Variants in SRRM3 observed in about 807,000 individuals in gnomAD.
The protein encoded by SRRM3 is serine/arginine repetitive matrix protein 3.
A neutral mutation model predicts 66.2 loss-of-function variants in SRRM3; 27 were observed. The observed-to-expected ratio is 0.41, with a 90% CI of 0.30 to 0.56. SRRM3 has a LOEUF of 0.56. Among genes scored for constraint, SRRM3 ranks in the 20% least tolerant of loss-of-function variants. SRRM3 has a pLI of 0.32. For synonymous variants in SRRM3, 391 were observed against 414.9 expected, an observed-to-expected ratio of 0.94 and a Z score of 0.70; for missense variants, 918 against 991.9, an observed-to-expected ratio of 0.93 and a Z score of 1.00.
chr7:76,216,580 C>T (rs1375704464), intron 1 of SRRM3, among the ~76,000 whole-genome samples: 1 of 152,176 alleles, frequency 6.6e-6, no homozygotes, highest in African/African-American at 2.4e-5. Context: ...AATGGATTTC[C>T]AGTACACTGG....
intron 1 of SRRM3, among the ~76,000 whole-genome samples, chr7:76,226,484 C>T (rs927216146): frequency 6.6e-6 from 1 of 152,264 alleles, no homozygotes; most frequent in Admixed American, 6.5e-5. Flanking sequence ...TGGGGACAGC[C>T]TCAGTTGAAC....
intron 2 of SRRM3, among the ~76,000 whole-genome samples, chr7:76,241,383 G>GGTGCC (rs1563621202): frequency 2.6e-5 from 4 of 152,234 alleles, no homozygotes. Context: ...TCTCGGAGCT[G>GGTGCC]GTGCCATGCC....
rs192926075 is a variant in SRRM3 at position 76,222,187 on chromosome 7, A to G, written c.-39-12841A>G. ...TCCCAGAGCTTTGGGAGGCCAAGGC[A>G]GGAGGGTTGCTTGAGTCCAGGAGTT... On this transcript the variant is annotated intron_variant, in intron 1 of 14. Coordinates refer to ENST00000611745, the MANE Select transcript of SRRM3 (RefSeq NM_001110199.3). 2.5e-3 allele frequency among the ~76,000 whole-genome samples: 375 copies of G among 152,252 alleles called. 1 individual carries two copies. Among genetic ancestry groups the G allele is most frequent in the Middle Eastern group, 0.017 (5 of 294 alleles).
At chr7:76,242,166 A>G (rs76988412) in intron 2 of SRRM3, among the ~76,000 whole-genome samples, 11,994 of 152,180 alleles carry the variant, frequency 0.079, 1,121 homozygotes, top group African/African-American at 0.22. Context: ...CGACCTTTTC[A>G]GCACCAGATA....
intron 1 of SRRM3, among the ~76,000 whole-genome samples, chr7:76,211,295 T>C (rs1800425249): frequency 1.3e-5 from 2 of 151,838 alleles, no homozygotes; most frequent in Admixed American, 1.3e-4. Flanking sequence ...CAGGGTGATT[T>C]TGGCAGGAGC....
chr7:76,204,422 C>T (rs1457381160), intron 1 of SRRM3, among the ~76,000 whole-genome samples: 1 of 152,162 alleles, frequency 6.6e-6, no homozygotes, highest in Non-Finnish European at 1.5e-5. Context: ...CCCAAAGGTG[C>T]TGCTGTCTCC....
intron 1 of SRRM3, among the ~76,000 whole-genome samples, chr7:76,204,610 GGCCAGTGAGT>G (rs557330148): frequency 1.5e-3 from 221 of 152,264 alleles, no homozygotes; most frequent in African/African-American, 5.1e-3. Flanking sequence ...AGGCACTGTA[GGCCAGTGAGT>G]GTTGGAGAGG....
chr7:76,249,914 G>A (rs1167558510), intron 3 of SRRM3, among the ~76,000 whole-genome samples: 1 of 151,964 alleles, frequency 6.6e-6, no homozygotes, highest in Non-Finnish European at 1.5e-5. Context: ...CCTACATGCA[G>A]GAATGGGTAA....
At chr7:76,213,004 C>CTTTT (rs57266029) in intron 1 of SRRM3, among the ~76,000 whole-genome samples, 26 of 67,904 alleles carry the variant, frequency 3.8e-4, no homozygotes, top group Admixed American at 1.0e-3. Context: ...CACCCCATTC[C>CTTTT]TTTTTTTTTT....
chr7:76,265,302 G>A, intron 9 of SRRM3, 62 bp from the exon 10 acceptor site: 2 of 1,346,748 alleles, frequency 1.5e-6, no homozygotes, highest in South Asian at 1.4e-5. Context: ...GGCAACTTGG[G>A]GGCTGGGGGG....
intron 2 of SRRM3, among the ~76,000 whole-genome samples, chr7:76,235,605 C>T (rs76004352): frequency 0.067 from 10,167 of 152,106 alleles, 805 homozygotes; most frequent in African/African-American, 0.18. Context: ...ATGGCTCACA[C>T]CTGTGATTCC....
At chr7:76,251,158 G>A (rs549760613) in intron 3 of SRRM3, among the ~76,000 whole-genome samples, 10 of 152,244 alleles carry the variant, frequency 6.6e-5, no homozygotes, top group East Asian at 5.8e-4. Context: ...CCCGACGCCC[G>A]TCCTCTGTGG....
At chr7:76,280,116 TAAAAA>T (rs567656342) in intron 11 of SRRM3, among the ~76,000 whole-genome samples, 37 of 118,420 alleles carry the variant, frequency 3.1e-4, no homozygotes, top group African/African-American at 1.1e-3. Flanking sequence ...AATCAGAACT[TAAAAA>T]AAAAAAAAAG....
chr7:76,258,442 C>A (rs1401370787), intron 3 of SRRM3, among the ~76,000 whole-genome samples: 1 of 152,070 alleles, frequency 6.6e-6, no homozygotes, highest in African/African-American at 2.4e-5. Context: ...TTGCCGGGCG[C>A]GGTGGCTCAC....
chr7:76,285,347 A>T lies in SRRM3; in HGVS notation c.1734-268A>T. ...CCAAAGTGCTGGGATTACAGGCGTG[A>T]GCCACCGCGCCCAGCCTCAACAAGT... On this transcript the variant is annotated intron_variant, in intron 14 of 14. Transcript: ENST00000611745. The surrounding 1 kb of genome is among the most constrained non-coding windows in gnomAD (Gnocchi z 4.1). 1 of 475,444 alleles carries T rather than the reference A, an allele frequency of 2.1e-6. No homozygotes were observed. The allele number at this position is 475,444 out of a possible 1,614,324, so 29.5% of individuals were successfully genotyped here.
intron 1 of SRRM3, among the ~76,000 whole-genome samples, chr7:76,207,534 G>GT (rs1800332172): frequency 6.6e-6 from 1 of 152,116 alleles, no homozygotes; most frequent in African/African-American, 2.4e-5. Flanking sequence ...GTCTGTTGCT[G>GT]TTTTTACTCT....
chr7:76,248,383 G>A (rs1035244091), intron 3 of SRRM3, 94 bp downstream of exon 3: 1 of 865,846 alleles, frequency 1.2e-6, no homozygotes, highest in Non-Finnish European at 1.9e-6. Context: ...GCTTGGTCTG[G>A]TTGGGGCTCA....
chr7:76,235,369 C>G (rs542366283), intron 2 of SRRM3, 70 bp downstream of exon 2: 2 of 1,314,514 alleles, frequency 1.5e-6, no homozygotes, highest in South Asian at 3.1e-5. Flanking sequence ...GCGAGTGATG[C>G]TGCACGTGGG....
chr7:76,247,892 G>A (rs1297022776), intron 2 of SRRM3, among the ~76,000 whole-genome samples: 1 of 152,024 alleles, frequency 6.6e-6, no homozygotes, highest in African/African-American at 2.4e-5. Flanking sequence ...ACAGGGTTTC[G>A]CCATGTTGGC....
Sources: gnomAD v4.1 joint callset for allele counts (sites outside exome capture counted in the v4.1 genomes callset) on GRCh38, gnomAD v4.1.1 for gene constraint, Gnocchi (gnomAD v3.1) non-coding constraint, MANE v1.5 for transcripts, NCBI Gene and HGNC (gene_info 2026-07-23, HGNC 2026-07-21) for gene names.